Variants in FLT1 observed in about 807,000 individuals in gnomAD.
The protein encoded by FLT1 is vascular endothelial growth factor receptor 1.
FLT1 carries 49 observed loss-of-function variants against 156.3 expected under a neutral mutation model. The observed-to-expected ratio is 0.31, with a 90% CI of 0.25 to 0.40. FLT1 has a LOEUF of 0.40. Ranked by LOEUF, FLT1 falls within the 10% of genes least tolerant of loss-of-function variation. FLT1 has a pLI of 1.00. For missense variants in FLT1, 1,322 were observed against 1,637.2 expected, an observed-to-expected ratio of 0.81 and a Z score of 3.32; for synonymous variants, 594 against 583.8, an observed-to-expected ratio of 1.02 and a Z score of -0.25.
intron 16 of FLT1, among the ~76,000 whole-genome samples, chr13:28,345,131 C>T (rs780689918): frequency 3.3e-5 from 5 of 151,846 alleles, no homozygotes; most frequent in Non-Finnish European, 5.9e-5. Flanking sequence ...AGAGAGTGAG[C>T]GTTAGGAAAT....
Position 28,342,459 on chromosome 13 carries a change from T to A in FLT1, c.2355+2986A>T, listed in dbSNP as rs552675795. 1.1e-3 allele frequency among the ~76,000 whole-genome samples: 161 copies of A among 152,302 alleles called. 1 individual carries two copies. Among genetic ancestry groups the A allele is most frequent in the African/African-American group, 3.8e-3 (157 of 41,564 alleles). On this transcript the variant is annotated intron_variant, in intron 16 of 29. Coordinates refer to ENST00000282397, the MANE Select transcript of FLT1 (RefSeq NM_002019.4). ...TATGGTGTATCTCCCCTTTCAAAACTATTGTGTGACCTTTGTTTCCTTCTC... is the reference window on the plus strand; with the variant it reads ...TATGGTGTATCTCCCCTTTCAAAACAATTGTGTGACCTTTGTTTCCTTCTC...
intron 18 of FLT1, among the ~76,000 whole-genome samples, chr13:28,332,496 T>C (rs544084207): frequency 3.2e-4 from 48 of 152,242 alleles, no homozygotes; most frequent in African/African-American, 8.9e-4. Context: ...TATCTCTAGG[T>C]TGGATACTGG....
At chr13:28,369,279 C>T (rs533051339) in intron 14 of FLT1, among the ~76,000 whole-genome samples, 1 of 152,166 alleles carries the variant, frequency 6.6e-6, no homozygotes, top group African/African-American at 2.4e-5. Flanking sequence ...AGTTCCAACA[C>T]TTTGGGAGGC....
intron 17 of FLT1, among the ~76,000 whole-genome samples, chr13:28,338,884 T>G (rs900270536): frequency 6.6e-6 from 1 of 152,178 alleles, no homozygotes; most frequent in African/African-American, 2.4e-5. Flanking sequence ...AGGGAAGAGA[T>G]GCAAGCACCT....
At chr13:28,378,861 C>T (rs954175621) in intron 14 of FLT1, among the ~76,000 whole-genome samples, 12 of 152,168 alleles carry the variant, frequency 7.9e-5, no homozygotes, top group South Asian at 2.1e-4. Flanking sequence ...ACCTGGTAAA[C>T]GCTCAATAAA....
intron 24 of FLT1, among the ~76,000 whole-genome samples, chr13:28,318,639 T>A (rs1192942498): frequency 6.6e-6 from 1 of 152,188 alleles, no homozygotes. Context: ...AACAGGTGCC[T>A]GTCATCGAAA....
chr13:28,453,086 C>T (rs1217604064), intron 3 of FLT1, among the ~76,000 whole-genome samples: 1 of 43,446 alleles, frequency 2.3e-5, no homozygotes, highest in Admixed American at 3.2e-4. Context: ...CCTTTCCTTT[C>T]CTTTCCTTTC....
chr13:28,452,944 G>T (rs1031918354), intron 3 of FLT1, among the ~76,000 whole-genome samples: 6 of 129,076 alleles, frequency 4.6e-5, no homozygotes, highest in Non-Finnish European at 6.3e-5. Flanking sequence ...TAAACAGCAA[G>T]TCTGGCACCA....
rs192064842 is a variant in FLT1, at chr13:28,394,672, C to G, written c.1660+2288G>C. Among the ~76,000 whole-genome samples the G allele has an allele frequency of 3.2e-3, 489 of 152,238 alleles. 4 individuals carry two copies. The highest frequency in any genetic ancestry group is 3.1e-3 in the Non-Finnish European group (214 of 68,006). ...TCCTCTTCCAGTACTGCCCTCAGAC[C>G]CAGGCAAGAAGGATCCCTGTCGCAG... is the stretch of plus-strand genomic sequence containing the variant. On this transcript the variant is annotated intron_variant, in intron 12 of 29. Transcript: ENST00000282397.
intron 3 of FLT1, among the ~76,000 whole-genome samples, chr13:28,450,114 C>T (rs796941047): frequency 9.2e-5 from 14 of 152,238 alleles, no homozygotes; most frequent in African/African-American, 2.9e-4. Context: ...GAAATCAGGA[C>T]GTATTATGTA....
At chr13:28,447,229 A>G (rs1027610452) in intron 3 of FLT1, among the ~76,000 whole-genome samples, 1 of 151,152 alleles carries the variant, frequency 6.6e-6, no homozygotes, top group African/African-American at 2.4e-5. Flanking sequence ...TCTAGGCTGA[A>G]GTGCAGTGGC....
chr13:28,373,080 C>T (rs1028453475), intron 14 of FLT1, among the ~76,000 whole-genome samples: 9 of 151,770 alleles, frequency 5.9e-5, no homozygotes, highest in African/African-American at 1.9e-4. Context: ...CAAGAAAAGT[C>T]GATTTATATT....
intron 22 of FLT1, 109 bp from the exon 23 acceptor site, chr13:28,321,694 G>T: frequency 8.9e-7 from 1 of 1,126,232 alleles, no homozygotes; most frequent in Non-Finnish European, 1.3e-6. Flanking sequence ...CACATGCTGT[G>T]AAGGGAGCAC....
intron 29 of FLT1, among the ~76,000 whole-genome samples, chr13:28,304,737 G>C (rs573079408): frequency 6.6e-6 from 1 of 152,162 alleles, no homozygotes; most frequent in South Asian, 2.1e-4. Context: ...TCTACTTTCT[G>C]TCTCTAGATT....
Position 28,300,521 on chromosome 13 carries a change from C to CCACACACCCACGCA in FLT1, c.*2645_*2646insTGCGTGGGTGTGTG, listed in dbSNP as rs58634271. Reference sequence around the variant, plus strand: ...AGTTATGCACAAAACACACATACACCCACACACACACACACACACACACAC... The same window carrying CCACACACCCACGCA: ...AGTTATGCACAAAACACACATACACCCACACACCCACGCACACACACACACACACACACACACAC... On this transcript the variant is annotated 3_prime_UTR_variant, in exon 30 of 30. Transcript: ENST00000282397. 3.1e-5 allele frequency: 6 copies of CCACACACCCACGCA among 196,226 alleles called. No homozygotes were observed. The highest frequency in any genetic ancestry group is 1.4e-4 in the African/African-American group (6 of 42,138). The allele number at this position is 196,226 out of a possible 1,614,324, so 12.2% of individuals were successfully genotyped here.
chr13:28,336,621 C>T (rs922316500), intron 17 of FLT1, among the ~76,000 whole-genome samples: 3 of 152,174 alleles, frequency 2.0e-5, no homozygotes, highest in African/African-American at 7.2e-5. Flanking sequence ...CAAGAGGCAG[C>T]ACCAGCCCAG....
intron 15 of FLT1, among the ~76,000 whole-genome samples, chr13:28,347,946 G>A (rs928937326): frequency 2.0e-5 from 3 of 152,156 alleles, no homozygotes; most frequent in African/African-American, 7.2e-5. Flanking sequence ...GCTTAACCAC[G>A]AAGCTTCCAA....
chr13:28,320,978 C>G (rs533224570), intron 23 of FLT1, among the ~76,000 whole-genome samples: 53 of 152,222 alleles, frequency 3.5e-4, no homozygotes, highest in African/African-American at 1.3e-3. Flanking sequence ...CGGGGAGATG[C>G]TAGGCATGGA....
intron 17 of FLT1, among the ~76,000 whole-genome samples, chr13:28,336,942 T>G (rs1460385453): frequency 6.6e-6 from 1 of 151,934 alleles, no homozygotes; most frequent in East Asian, 1.9e-4. Context: ...GAGACAGGGT[T>G]TCGCCATGTT....
Sources: allele counts gnomAD v4.1 joint callset (sites outside exome capture counted in the v4.1 genomes callset), GRCh38; gene constraint gnomAD v4.1.1; transcripts MANE v1.5; gene names NCBI Gene and HGNC (gene_info 2026-07-23, HGNC 2026-07-21).